SLC25A21: variants seen among roughly 807,000 people sequenced by gnomAD.
The protein encoded by SLC25A21 is mitochondrial 2-oxodicarboxylate carrier.
A neutral mutation model predicts 43.8 loss-of-function variants in SLC25A21; 47 were observed. The observed-to-expected ratio is 1.07, with a 90% CI of 0.85 to 1.37. The LOEUF is 1.37. Ranked by LOEUF, SLC25A21 falls within the 40% of genes most tolerant of loss-of-function variation. The pLI is 0.00. For missense variants in SLC25A21, 352 were observed against 350.2 expected (o/e 1.00, Z -0.04); for synonymous variants, 131 against 121.3 (o/e 1.08, Z -0.52).
chr14:37,010,977 C>G (rs987575801), intron 1 of SLC25A21, among the ~76,000 whole-genome samples: 2 of 152,168 alleles, frequency 1.3e-5, no homozygotes, highest in Non-Finnish European at 2.9e-5. Context: ...ACCTCCGTCT[C>G]CCAGGTTCAA....
chr14:37,154,953 C>T (rs181149209), intron 1 of SLC25A21, among the ~76,000 whole-genome samples: 26 of 151,904 alleles, frequency 1.7e-4, no homozygotes, highest in East Asian at 7.8e-4. Flanking sequence ...ATATCTTTTT[C>T]GAAAACCAAA....
chr14:36,960,245 A>C (rs1566772289), intron 1 of SLC25A21, among the ~76,000 whole-genome samples: 4 of 151,880 alleles, frequency 2.6e-5, no homozygotes, highest in Non-Finnish European at 4.4e-5. Context: ...ACTTTTTTTC[A>C]TTAGCTTGAC....
At chr14:36,781,044 TTGAGGAA>T (rs1887038793) in intron 3 of SLC25A21, among the ~76,000 whole-genome samples, 1 of 152,180 alleles carries the variant, frequency 6.6e-6, no homozygotes, top group South Asian at 2.1e-4. Context: ...TTATATTCTT[TTGAGGAA>T]TTGACTTCTT....
Position 36,929,135 on chromosome 14 carries a change from TA to T in SLC25A21, c.71-54132del, listed in dbSNP as rs1430991229. ...TAACTAATACCATGTAAGACCTCCA[TA>T]AAAATAAATTGAAAAAAAATCATCT... On this transcript the variant is annotated intron_variant, in intron 1 of 9. Transcript: ENST00000331299. Among the ~76,000 whole-genome samples, 10 of 152,086 alleles carry T rather than the reference TA, an allele frequency of 6.6e-5. No homozygotes were observed. The South Asian group carries it at 2.1e-3, about 32-fold the overall frequency.
At chr14:37,151,790 T>G (rs1472284423) in intron 1 of SLC25A21, among the ~76,000 whole-genome samples, 2 of 152,192 alleles carry the variant, frequency 1.3e-5, no homozygotes, top group South Asian at 2.1e-4. Flanking sequence ...AATCCAGCAC[T>G]TTGGGAGGCC....
intron 2 of SLC25A21, among the ~76,000 whole-genome samples, chr14:36,868,951 G>A (rs564116048): frequency 6.6e-6 from 1 of 152,148 alleles, no homozygotes. Context: ...TCCCACTGGA[G>A]AGACCTACCA....
chr14:37,019,290 G>C (rs189606085), intron 1 of SLC25A21, among the ~76,000 whole-genome samples: 302 of 151,806 alleles, frequency 2.0e-3, no homozygotes, highest in African/African-American at 6.7e-3. Context: ...GTGCTTCTCT[G>C]CTTGAAATAC....
intron 1 of SLC25A21, among the ~76,000 whole-genome samples, chr14:37,108,734 TGTGTGC>T (rs1178441013): frequency 0.018 from 2,665 of 145,418 alleles, 75 homozygotes; most frequent in African/African-American, 0.069. Flanking sequence ...TGTGTGTGTG[TGTGTGC>T]GTGTGTGTGT....
chr14:37,076,325 G>A (rs954493600), intron 1 of SLC25A21, among the ~76,000 whole-genome samples: 5 of 149,592 alleles, frequency 3.3e-5, no homozygotes, highest in East Asian at 2.0e-4. Context: ...CAGGCCCAGC[G>A]AATTTTTGTA....
intron 1 of SLC25A21, among the ~76,000 whole-genome samples, chr14:36,998,032 C>T (rs1960410076): frequency 6.6e-6 from 1 of 152,132 alleles, no homozygotes; most frequent in Admixed American, 6.6e-5. Context: ...ATTCATTTGT[C>T]TAGATTTCTT....
intron 1 of SLC25A21, among the ~76,000 whole-genome samples, chr14:37,092,837 A>C (rs1414682337): frequency 6.6e-6 from 1 of 151,862 alleles, no homozygotes; most frequent in African/African-American, 2.4e-5. Flanking sequence ...AACATGGGTG[A>C]GGTTCTGTTT....
intron 2 of SLC25A21, among the ~76,000 whole-genome samples, chr14:36,848,791 T>C (rs898935748): frequency 6.6e-6 from 1 of 152,212 alleles, no homozygotes; most frequent in Non-Finnish European, 1.5e-5. Flanking sequence ...CAGAACCTCA[T>C]TTCCTGTTCA....
chr14:37,046,587 G>T (rs1961591881), intron 1 of SLC25A21, among the ~76,000 whole-genome samples: 1 of 152,144 alleles, frequency 6.6e-6, no homozygotes, highest in South Asian at 2.1e-4. Flanking sequence ...TTCTGTTACT[G>T]ATACTTTGCA....
chr14:37,010,521 G>C (rs1196192430), intron 1 of SLC25A21, among the ~76,000 whole-genome samples: 1 of 152,166 alleles, frequency 6.6e-6, no homozygotes. Context: ...ACTGGCAGCA[G>C]GCAGAAAAGG....
intron 1 of SLC25A21, chr14:37,098,659 T>G (rs1469562244): frequency 6.6e-6 from 1 of 152,118 alleles, no homozygotes; most frequent in African/African-American, 2.4e-5. Flanking sequence ...TTTCCTGGGC[T>G]GACGACTATT....
At chr14:37,171,112 GGGGGAGGGGAGGGGA>G (rs1204971184) in intron 1 of SLC25A21, among the ~76,000 whole-genome samples, 4 of 93,516 alleles carry the variant, frequency 4.3e-5, no homozygotes, top group African/African-American at 8.0e-5. Context: ...AAAGAAAAAG[GGGGGAGGGGAGGGGA>G]GGGGAGGGGA....
intron 1 of SLC25A21, among the ~76,000 whole-genome samples, chr14:36,960,423 T>G (rs940081278): frequency 2.6e-5 from 4 of 152,122 alleles, no homozygotes; most frequent in African/African-American, 9.6e-5. Flanking sequence ...CTGAGGGAGG[T>G]AAGTAAGAGA....
At chr14:36,889,195 T>C (rs973506698) in intron 1 of SLC25A21, among the ~76,000 whole-genome samples, 2 of 152,194 alleles carry the variant, frequency 1.3e-5, no homozygotes, top group Non-Finnish European at 2.9e-5. Context: ...AGGGAGAAGG[T>C]TGACTCCATT....
At chr14:36,807,531 C>G (rs1009983761) in intron 3 of SLC25A21, among the ~76,000 whole-genome samples, 6 of 152,160 alleles carry the variant, frequency 3.9e-5, no homozygotes, top group South Asian at 2.1e-4. Flanking sequence ...ACCCACACTT[C>G]CACATGAGGG....
Sources: allele counts gnomAD v4.1 joint callset (sites outside exome capture counted in the v4.1 genomes callset), GRCh38; gene constraint gnomAD v4.1.1; transcripts MANE v1.5; gene names NCBI Gene and HGNC (gene_info 2026-07-23, HGNC 2026-07-21).